Variants in KIF23 observed in about 807,000 individuals in gnomAD.
KIF23 encodes the protein kinesin-like protein KIF23.
In KIF23, 30 loss-of-function variants were observed where a neutral mutation model predicts 137.5. The ratio of observed to expected loss-of-function variants is 0.22; its 90% confidence interval spans 0.16 to 0.30. The LOEUF (loss-of-function observed/expected upper bound fraction) is 0.30, where lower values mean the gene tolerates loss of function less well. Ranked by LOEUF, KIF23 falls within the 10% of genes least tolerant of loss-of-function variation. The pLI is 1.00. For synonymous variants in KIF23, 367 were observed against 391.1 expected (o/e 0.94, Z 0.73); for missense variants, 920 against 1,194.3 (o/e 0.77, Z 3.38).
intron 9 of KIF23, 35 bp from the exon 10 acceptor site, chr15:69,426,301 T>TTCAGGTTTGAC: frequency 6.2e-7 from 1 of 1,612,330 alleles, no homozygotes; most frequent in Non-Finnish European, 8.5e-7. Flanking sequence ...AATGACTGAG[T>TTCAGGTTTGAC]TCAGGTTTGA....
At chr15:69,431,001 G>T (rs1457597844) in intron 11 of KIF23, among the ~76,000 whole-genome samples, 1 of 152,152 alleles carries the variant, frequency 6.6e-6, no homozygotes, top group Non-Finnish European at 1.5e-5. Flanking sequence ...CATTTTGCCA[G>T]TGTAGAGAAA....
In KIF23 at chr15:69,446,867, TCA is replaced by T. The variant is rs1283461892; in HGVS notation, c.2839-3_2839-2del. On this transcript the variant is annotated splice_acceptor_variant and splice_polypyrimidine_tract_variant and intron_variant, in intron 22 of 23. Coordinates refer to ENST00000679126, the MANE Select transcript of KIF23 (RefSeq NM_001367805.3). LOFTEE classifies it high-confidence loss of function. ...TCTTTTTCCTCTTGTCATTTTCCTC[TCA>T]GTGTTCTGTGGCTGTGGAGATGAGA... 3 of 1,613,904 alleles carry T rather than the reference TCA, an allele frequency of 1.9e-6. No homozygotes were observed. In the African/African-American group the frequency reaches 4.0e-5, roughly 22 times the overall value.
chr15:69,441,206 A>C, intron 19 of KIF23, 127 bp downstream of exon 19: 1 of 858,804 alleles, frequency 1.2e-6, no homozygotes, highest in Non-Finnish European at 1.7e-6. Context: ...CTAATTTCTC[A>C]GTTAATTTGA....
chr15:69,436,661 T>G lies in KIF23; in HGVS notation c.1536T>G (p.Ile512Met). The G allele has an allele frequency of 1.2e-6, 2 of 1,610,212 alleles. No homozygotes were observed. The highest frequency in any genetic ancestry group is 3.3e-4 in the Middle Eastern group (2 of 6,060). Residue 512 changes from isoleucine (I) to methionine (M), a missense_variant, in exon 15 of 24, where the codon ATT (isoleucine) becomes ATG (methionine). Physicochemically the swap from Ile to Met is conservative, Grantham distance 10. Transcript: ENST00000679126. ...INDEQTLPRL[I>M]EALEKRHNLR... The stretch of plus-strand genomic sequence containing the variant: ...ATGAGCAGACACTTCCAAGGCTGAT[T>G]GAAGCCTTAGAGAAACGACATAACT...
chr15:69,426,031 C>A, intron 8 of KIF23, 39 bp from the exon 9 acceptor site: 3 of 1,286,350 alleles, frequency 2.3e-6, no homozygotes, highest in Non-Finnish European at 2.1e-6. Context: ...ACCAGCATCT[C>A]ATAATTTAGG....
chr15:69,447,986 T>C lies in KIF23; in HGVS notation c.*179T>C, dbSNP rs927954252. The C allele has an allele frequency of 1.3e-5, 6 of 476,930 alleles. No individual in the cohort carries two copies. The East Asian group carries it at 1.9e-4, about 15-fold the overall frequency. 29.5% of individuals were successfully genotyped at this position (476,930 alleles called of 1,614,324 possible). On this transcript the variant is annotated 3_prime_UTR_variant, in exon 24 of 24. Coordinates refer to ENST00000679126, the MANE Select transcript of KIF23 (RefSeq NM_001367805.3). ...CTTTCCCTATGGTTCCAAAGACAAC[T>C]AGTATTCAACAAACCTTGTATAGTA...
chr15:69,440,606 A>C, intron 18 of KIF23, 119 bp downstream of exon 18: 1 of 1,173,152 alleles, frequency 8.5e-7, no homozygotes, highest in Non-Finnish European at 1.2e-6. Context: ...ATTTCTCTAA[A>C]AATATTTTAA....
chr15:69,421,802 C>G (rs755655896), intron 4 of KIF23, 50 bp downstream of exon 4: 2 of 1,382,214 alleles, frequency 1.4e-6, no homozygotes, highest in South Asian at 1.2e-5. Flanking sequence ...TTCTCCTCTT[C>G]TGATAAAACT....
At chr15:69,422,241 C>A (rs2057074511) in intron 5 of KIF23, 85 bp from the exon 6 acceptor site, 1 of 1,456,096 alleles carries the variant, frequency 6.9e-7, no homozygotes, top group Admixed American at 2.0e-5. Flanking sequence ...CTTAACTGTT[C>A]CTTAGTTTTT....
intron 7 of KIF23, among the ~76,000 whole-genome samples, chr15:69,423,877 CCACTTGGCAT>C (rs1162608639): frequency 6.6e-6 from 1 of 152,146 alleles, no homozygotes; most frequent in African/African-American, 2.4e-5. Flanking sequence ...AGACTGGTTA[CCACTTGGCAT>C]CACAAATGAT....
intron 22 of KIF23, 44 bp downstream of exon 22, chr15:69,446,408 T>G (rs1236822960): frequency 6.6e-7 from 1 of 1,504,670 alleles, no homozygotes; most frequent in East Asian, 2.3e-5. Context: ...AAAATTAGGT[T>G]TGTCATGTTT....
chr15:69,415,969 T>G, intron 1 of KIF23, 25 bp from the exon 2 acceptor site: 1 of 1,515,646 alleles, frequency 6.6e-7, no homozygotes, highest in Non-Finnish European at 8.9e-7. Flanking sequence ...AAAAAAGTTA[T>G]TATTATTTTT....
In KIF23 at chr15:69,440,425, C is replaced by A; in HGVS notation, c.2047C>A (p.Pro683Thr). The A allele has an allele frequency of 1.2e-6, 2 of 1,613,660 alleles. No individual in the cohort carries two copies. Among genetic ancestry groups the A allele is most frequent in the Non-Finnish European group, 1.7e-6 (2 of 1,179,860 alleles). The change falls in exon 18 of 24, where the codon CCC becomes ACC. Residue 683 changes from proline (P) to threonine (T), a missense_variant. Physicochemically the swap from Pro to Thr is conservative, Grantham distance 38. Around this residue, in one of 4 missense-constraint regions of KIF23, gnomAD observed 714 missense variants for 866.2 expected, o/e 0.82. Transcript: ENST00000679126. Reference protein sequence around the residue: ...TEPKTEKPERPSRERDREKVT... With the variant: ...TEPKTEKPERTSRERDREKVT... ...ACCTAAAACTGAGAAGCCAGAGAGA[C>A]CCTCTCGGGAGCGAGATCGAGAAAA...
intron 11 of KIF23, chr15:69,434,707 T>A: frequency 7.0e-7 from 1 of 1,428,926 alleles, no homozygotes; most frequent in Non-Finnish European, 9.8e-7. Context: ...AGCCTCAGAT[T>A]GGGAGGATCA....
chr15:69,437,799 A>G (rs2057519462), intron 15 of KIF23, among the ~76,000 whole-genome samples: 1 of 152,048 alleles, frequency 6.6e-6, no homozygotes, highest in African/African-American at 2.4e-5. Context: ...ATCTTTACCA[A>G]AAAGTTGTGA....
At chr15:69,429,897 G>A (rs368189616) in intron 11 of KIF23, among the ~76,000 whole-genome samples, 10 of 152,104 alleles carry the variant, frequency 6.6e-5, no homozygotes, top group South Asian at 2.1e-4. Flanking sequence ...TGCGTCTATA[G>A]TTCCAAGGTA....
intron 16 of KIF23, among the ~76,000 whole-genome samples, 166 bp downstream of exon 16, chr15:69,438,571 C>T (rs767193593): frequency 6.6e-6 from 1 of 151,622 alleles, no homozygotes; most frequent in East Asian, 1.9e-4. Flanking sequence ...GCTGAGGTGG[C>T]CAGATCATCT....
intron 10 of KIF23, chr15:69,427,419 A>G: frequency 2.2e-6 from 1 of 456,062 alleles, no homozygotes; most frequent in South Asian, 1.5e-5. Flanking sequence ...TGCTGTGAAA[A>G]AAGTTTGCAA....
chr15:69,428,762 G>A (rs2057276762), intron 10 of KIF23, among the ~76,000 whole-genome samples: 1 of 150,488 alleles, frequency 6.6e-6, no homozygotes, highest in African/African-American at 2.4e-5. Flanking sequence ...GGATAATCCT[G>A]TTCTAGACTC....
Sources: gnomAD v4.1 joint callset for allele counts (sites outside exome capture counted in the v4.1 genomes callset) on GRCh38, gnomAD v4.1.1 for gene constraint, gnomAD v4.1.1 regional missense constraint, MANE v1.5 for transcripts, NCBI Gene and HGNC (gene_info 2026-07-23, HGNC 2026-07-21) for gene names.